The following TEX9 variants were observed in gnomAD, a reference collection of about 807,000 sequenced individuals.
TEX9 encodes testis expressed 9.
TEX9 carries 74 observed loss-of-function variants against 59.6 expected under a neutral mutation model. The ratio of observed to expected loss-of-function variants is 1.24; its 90% confidence interval spans 1.03 to 1.51. The LOEUF is 1.51. TEX9 is among the 40% of genes most tolerant of loss of function. The pLI, the probability that TEX9 is intolerant of heterozygous loss-of-function variation, is 0.00. For synonymous variants in TEX9, 186 were observed against 152.2 expected (o/e 1.22, Z -1.64); for missense variants, 522 against 447.8 (o/e 1.17, Z -1.49).
At chr15:56,332,723 CA>C (rs1232500155) in intron 1 of TEX9, among the ~76,000 whole-genome samples, 1 of 149,560 alleles carries the variant, frequency 6.7e-6, no homozygotes, top group Non-Finnish European at 1.5e-5. Context: ...GAAAAAACAT[CA>C]AAAAAACAAA....
chr15:56,379,427 G>A (rs2682043), intron 3 of TEX9, among the ~76,000 whole-genome samples: 152,184 of 152,338 alleles, frequency 1, 76,015 homozygotes, highest in Middle Eastern at 1. Context: ...TATTATTTCA[G>A]TTTTTAAAAT....
chr15:56,335,110 A>T (rs1379176078), intron 1 of TEX9, among the ~76,000 whole-genome samples: 1 of 152,172 alleles, frequency 6.6e-6, no homozygotes, highest in African/African-American at 2.4e-5. Flanking sequence ...TCAAAAATTG[A>T]AATAGAGACA....
At chr15:56,271,878 C>T (rs1272015795) in intron 1 of TEX9, among the ~76,000 whole-genome samples, 4 of 152,174 alleles carry the variant, frequency 2.6e-5, no homozygotes, top group Middle Eastern at 3.2e-3. Flanking sequence ...CGGTGGCTCA[C>T]GCCTGTAATC....
At chr15:56,247,598 A>T (rs943749536) in intron 1 of TEX9, among the ~76,000 whole-genome samples, 3 of 152,200 alleles carry the variant, frequency 2.0e-5, no homozygotes, top group African/African-American at 7.2e-5. Context: ...ATCAGATCCT[A>T]AAGTAGTATA....
At position 56,263,562 on chromosome 15, in the gene TEX9, A is replaced by G. The variant is rs1168706622; in HGVS notation, c.-107+19284A>G. Among the ~76,000 whole-genome samples the G allele has an allele frequency of 3.3e-5, 5 of 152,072 alleles. No individual in the cohort carries two copies. In the East Asian group the frequency reaches 9.6e-4, roughly 29 times the overall value. On this transcript the variant is annotated intron_variant, in intron 1 of 5. Transcript: ENST00000560827. ...TTCTTTAATTCAGGTTTATTGAGGTACAACTTCCATACAGTAAAGTTCACC... is the reference window on the plus strand; with the variant it reads ...TTCTTTAATTCAGGTTTATTGAGGTGCAACTTCCATACAGTAAAGTTCACC...
chr15:56,271,151 C>G (rs1284981807), intron 1 of TEX9, among the ~76,000 whole-genome samples: 1 of 152,030 alleles, frequency 6.6e-6, no homozygotes, highest in Non-Finnish European at 1.5e-5. Context: ...TTGTGGTGGT[C>G]TCTGTATTTC....
At chr15:56,357,600 C>T (rs1464573455) in intron 1 of TEX9, among the ~76,000 whole-genome samples, 11 of 152,112 alleles carry the variant, frequency 7.2e-5, no homozygotes, top group Non-Finnish European at 1.5e-4. Context: ...AACTTCAGTA[C>T]TGTTTAACCA....
chr15:56,352,019 C>T (rs1460230983), intron 1 of TEX9, among the ~76,000 whole-genome samples: 1 of 152,076 alleles, frequency 6.6e-6, no homozygotes, highest in Non-Finnish European at 1.5e-5. Flanking sequence ...GAAGAGGATG[C>T]AAGATAAGTA....
At chr15:56,443,634 A>G in intron 12 of TEX9, 3 of 1,610,108 alleles carry the variant, frequency 1.9e-6, no homozygotes, top group Non-Finnish European at 1.7e-6. Flanking sequence ...GGTTATTTTA[A>G]TACCGCATTC....
intron 1 of TEX9, among the ~76,000 whole-genome samples, chr15:56,245,301 G>T (rs531741203): frequency 1.3e-5 from 2 of 152,266 alleles, no homozygotes; most frequent in South Asian, 2.1e-4. Context: ...CGTGGTGAGG[G>T]TTGAGGGTGG....
intron 12 of TEX9, among the ~76,000 whole-genome samples, chr15:56,432,868 T>A (rs1467583818): frequency 6.6e-6 from 1 of 152,192 alleles, no homozygotes; most frequent in African/African-American, 2.4e-5. Context: ...TTAAAAGAAG[T>A]CATGTAAGTC....
intron 9 of TEX9, among the ~76,000 whole-genome samples, chr15:56,399,077 G>A (rs756831125): frequency 2.0e-5 from 3 of 152,196 alleles, no homozygotes; most frequent in Non-Finnish European, 4.4e-5. Context: ...ATTTCCAACT[G>A]AGGTACCTGG....
downstream of TEX9, chr15:56,446,698 A>C (rs968026664): frequency 1.6e-5 from 10 of 607,446 alleles, no homozygotes; most frequent in Non-Finnish European, 2.2e-5. Context: ...GATTTTCTAC[A>C]TCTTAAGGAT....
chr15:56,294,029 G>C (rs1199523445), intron 1 of TEX9, among the ~76,000 whole-genome samples: 1 of 152,232 alleles, frequency 6.6e-6, no homozygotes, highest in Admixed American at 6.5e-5. Flanking sequence ...GGGCAGTCTT[G>C]TGTAGACACT....
intron 1 of TEX9, among the ~76,000 whole-genome samples, chr15:56,291,277 T>C (rs1348951961): frequency 1.3e-5 from 2 of 152,188 alleles, no homozygotes; most frequent in Non-Finnish European, 2.9e-5. Flanking sequence ...ATTATGACCA[T>C]AGAATGTGAT....
chr15:56,431,992 C>G (rs1341555640), intron 12 of TEX9, among the ~76,000 whole-genome samples: 4 of 152,168 alleles, frequency 2.6e-5, no homozygotes, highest in Admixed American at 6.5e-5. Context: ...CATCAAAATT[C>G]TGGGCCATAT....
intron 10 of TEX9, among the ~76,000 whole-genome samples, chr15:56,418,213 T>C (rs2049794517): frequency 6.6e-6 from 1 of 151,890 alleles, no homozygotes; most frequent in African/African-American, 2.4e-5. Flanking sequence ...GATTTGATCG[T>C]GCTGTTGTGC....
At chr15:56,438,422 G>A (rs1186674315) in intron 12 of TEX9, among the ~76,000 whole-genome samples, 1 of 151,964 alleles carries the variant, frequency 6.6e-6, no homozygotes, top group Admixed American at 6.5e-5. Context: ...AAATGGTGCT[G>A]GAAAAACTGG....
chr15:56,360,919 A>G (rs757701590), upstream of TEX9, among the ~76,000 whole-genome samples: 28 of 152,188 alleles, frequency 1.8e-4, no homozygotes, highest in African/African-American at 4.1e-4. Flanking sequence ...GGAAACTCCA[A>G]TAGAGGCTCT....
Sources: gnomAD v4.1 joint callset for allele counts (sites outside exome capture counted in the v4.1 genomes callset) on GRCh38, gnomAD v4.1.1 for gene constraint, MANE v1.5 for transcripts, NCBI Gene and HGNC (gene_info 2026-07-23, HGNC 2026-07-21) for gene names.